Variants in CARMIL1 observed in about 807,000 individuals in gnomAD.
The protein encoded by CARMIL1 is capping protein regulator and myosin 1 linker 1.
CARMIL1 carries 90 observed loss-of-function variants against 177.1 expected under a neutral mutation model. The observed-to-expected ratio is 0.51, with a 90% CI of 0.43 to 0.61. CARMIL1 has a LOEUF of 0.61. Ranked by LOEUF, CARMIL1 falls within the 20% of genes least tolerant of loss-of-function variation. The probability of loss-of-function intolerance (pLI) is 0.00; values close to 1 mark genes in which losing one functional copy is unlikely to be tolerated. For missense variants in CARMIL1, 1,380 were observed against 1,667.0 expected, an observed-to-expected ratio of 0.83 and a Z score of 3.00; for synonymous variants, 577 against 606.2, an observed-to-expected ratio of 0.95 and a Z score of 0.71.
intron 2 of CARMIL1, among the ~76,000 whole-genome samples, chr6:25,398,909 C>G (rs1407653325): frequency 6.6e-6 from 1 of 152,112 alleles, no homozygotes; most frequent in Non-Finnish European, 1.5e-5. Context: ...GTTGTTGGGA[C>G]AAGTTAAATT....
chr6:25,600,863 C>A, intron 33 of CARMIL1, 117 bp downstream of exon 33: 1 of 939,156 alleles, frequency 1.1e-6, no homozygotes, highest in African/African-American at 1.7e-5. Flanking sequence ...TTTAACTTTC[C>A]TTTATGCTGG....
rs756587916 is a variant in CARMIL1 at position 25,488,482 on chromosome 6, G to A, written c.962G>A (p.Gly321Glu). 1.9e-6 allele frequency: 3 copies of A among 1,612,930 alleles called. No individual in the cohort carries two copies. In the South Asian group the frequency reaches 3.3e-5, roughly 18 times the overall value. Residue 321 changes from glycine (G) to glutamate (E), a missense_variant and splice_region_variant, in exon 13 of 37, where the codon GGG (glycine) becomes GAG (glutamate). Transcript: ENST00000329474. ...NLSKTSLSPK[G>E]VNSLSQSLSA... ...AGCCTGGATTTTCTTGATGTTGCAG[G>A]GGTGAACAGCCTTTCTCAGTCACTC...
At chr6:25,551,541 C>T (rs1810107809) in intron 27 of CARMIL1, among the ~76,000 whole-genome samples, 1 of 152,124 alleles carries the variant, frequency 6.6e-6, no homozygotes, top group Non-Finnish European at 1.5e-5. Flanking sequence ...GTCTGTAATA[C>T]TATATGTGTA....
At chr6:25,539,486 A>T (rs918596441) in intron 25 of CARMIL1, among the ~76,000 whole-genome samples, 1 of 151,952 alleles carries the variant, frequency 6.6e-6, no homozygotes, top group East Asian at 1.9e-4. Flanking sequence ...GGAGCTGGGC[A>T]TGGTGGTATG....
At chr6:25,414,954 C>T (rs1381772819) in intron 2 of CARMIL1, among the ~76,000 whole-genome samples, 1 of 152,198 alleles carries the variant, frequency 6.6e-6, no homozygotes, top group East Asian at 1.9e-4. Flanking sequence ...CTGAAGGACA[C>T]TGTGTACTTC....
At chr6:25,619,320 T>G (rs1295548477) in intron 36 of CARMIL1, 127 bp from the exon 37 acceptor site, 5 of 808,768 alleles carry the variant, frequency 6.2e-6, no homozygotes, top group Non-Finnish European at 9.6e-6. Context: ...AGTTTGTTTC[T>G]GAGAAAGTTC....
chr6:25,465,131 T>G (rs906551605), intron 8 of CARMIL1, among the ~76,000 whole-genome samples: 1 of 142,416 alleles, frequency 7.0e-6, no homozygotes. Flanking sequence ...GCATTGGGAA[T>G]CCATCCAGTG....
intron 23 of CARMIL1, among the ~76,000 whole-genome samples, chr6:25,521,769 C>CAAAAAAA (rs34016230): frequency 1.1e-5 from 1 of 94,040 alleles, no homozygotes; most frequent in African/African-American, 3.7e-5. Context: ...GATTCCATCT[C>CAAAAAAA]AAAAAAAAAA....
chr6:25,402,403 CT>C (rs1793969327), intron 2 of CARMIL1, among the ~76,000 whole-genome samples: 1 of 152,118 alleles, frequency 6.6e-6, no homozygotes, highest in Non-Finnish European at 1.5e-5. Context: ...TTAAAAACTG[CT>C]AAGACCAAGC....
chr6:25,280,679 T>C (rs1581427038), intron 1 of CARMIL1, among the ~76,000 whole-genome samples: 4 of 151,586 alleles, frequency 2.6e-5, no homozygotes, highest in South Asian at 4.2e-4. Context: ...AGAGCTGAAA[T>C]AGGATGGGAG....
At chr6:25,371,309 C>T (rs1010994375) in intron 2 of CARMIL1, among the ~76,000 whole-genome samples, 3 of 152,152 alleles carry the variant, frequency 2.0e-5, no homozygotes, top group Non-Finnish European at 2.9e-5. Flanking sequence ...TCTTTACTTT[C>T]AGTTCTTTAA....
chr6:25,536,083 T>C (rs1282248011), intron 24 of CARMIL1, among the ~76,000 whole-genome samples: 3 of 152,220 alleles, frequency 2.0e-5, no homozygotes, highest in Non-Finnish European at 4.4e-5. Context: ...ATACCAACTT[T>C]ATAGTGCCTC....
intron 36 of CARMIL1, among the ~76,000 whole-genome samples, chr6:25,610,766 G>A (rs1426668751): frequency 2.6e-5 from 4 of 152,200 alleles, no homozygotes; most frequent in South Asian, 2.1e-4. Context: ...ATCCTGTGAC[G>A]AGAATGCTTT....
At chr6:25,567,501 A>T (rs892638607) in intron 29 of CARMIL1, among the ~76,000 whole-genome samples, 1 of 152,130 alleles carries the variant, frequency 6.6e-6, no homozygotes, top group Non-Finnish European at 1.5e-5. Flanking sequence ...AACACATGTG[A>T]TCCTTCCAAA....
intron 5 of CARMIL1, among the ~76,000 whole-genome samples, chr6:25,441,373 C>G (rs371387107): frequency 0.013 from 754 of 57,650 alleles, 7 homozygotes; most frequent in African/African-American, 0.025. Flanking sequence ...GTGTGTGTGT[C>G]TATGTGTGTG....
At chr6:25,460,922 C>T (rs1800062847) in intron 8 of CARMIL1, among the ~76,000 whole-genome samples, 1 of 152,124 alleles carries the variant, frequency 6.6e-6, no homozygotes, top group Non-Finnish European at 1.5e-5. Flanking sequence ...AGGCTACTGC[C>T]TCTCCTTAAA....
chr6:25,505,547 G>A (rs183802175), intron 17 of CARMIL1, among the ~76,000 whole-genome samples: 2 of 152,186 alleles, frequency 1.3e-5, no homozygotes, highest in African/African-American at 4.8e-5. Flanking sequence ...GCACCTCCGG[G>A]ATTCAAGCTA....
At chr6:25,502,287 C>CT in intron 17 of CARMIL1, among the ~76,000 whole-genome samples, 1 of 151,256 alleles carries the variant, frequency 6.6e-6, no homozygotes, top group South Asian at 2.1e-4. Context: ...CCAGGCTGGG[C>CT]GCGGTCAATG....
intron 29 of CARMIL1, among the ~76,000 whole-genome samples, chr6:25,568,804 C>T (rs539950516): frequency 2.0e-5 from 3 of 152,302 alleles, no homozygotes; most frequent in African/African-American, 7.2e-5. Flanking sequence ...AACTGGCCAC[C>T]TGTATGTGGT....
Sources: allele counts gnomAD v4.1 joint callset (sites outside exome capture counted in the v4.1 genomes callset), GRCh38; gene constraint gnomAD v4.1.1; transcripts MANE v1.5; gene names NCBI Gene and HGNC (gene_info 2026-07-23, HGNC 2026-07-21).